The following PDE8B variants were observed in gnomAD, a reference collection of about 807,000 sequenced individuals.
PDE8B encodes the protein phosphodiesterase 8B, also known as high affinity cAMP-specific and IBMX-insensitive 3',5'-cyclic phosphodiesterase 8B.
Under a neutral mutation model 101.3 loss-of-function variants are expected in PDE8B, and 26 were observed. The ratio of observed to expected loss-of-function variants is 0.26; its 90% CI spans 0.19 to 0.36. The LOEUF (loss-of-function observed/expected upper bound fraction) is 0.36, where lower values mean the gene tolerates loss of function less well. Ranked by LOEUF, PDE8B falls within the 10% of genes least tolerant of loss-of-function variation. The probability of loss-of-function intolerance (pLI) is 1.00; values close to 1 mark genes in which losing one functional copy is unlikely to be tolerated. For synonymous variants in PDE8B, 424 were observed against 429.3 expected, an observed-to-expected ratio of 0.99 and a Z score of 0.15; for missense variants, 810 against 1,163.1, an observed-to-expected ratio of 0.70 and a Z score of 4.42.
At chr5:77,350,109 T>C (rs1429934901) in intron 8 of PDE8B, among the ~76,000 whole-genome samples, 1 of 152,204 alleles carries the variant, frequency 6.6e-6, no homozygotes, top group African/African-American at 2.4e-5. Flanking sequence ...TCTCCTCCTG[T>C]AGAGCACTGC....
At chr5:77,188,214 T>C in the PDE8B span, among the ~76,000 whole-genome samples, 1 of 152,184 alleles carries the variant, frequency 6.6e-6, no homozygotes, top group Non-Finnish European at 1.5e-5. Context: ...CTTTAGAAAG[T>C]TGAGGAGTTC....
At chr5:77,363,617 C>T (rs868413836) in intron 10 of PDE8B, among the ~76,000 whole-genome samples, 22 of 151,214 alleles carry the variant, frequency 1.5e-4, no homozygotes, top group Middle Eastern at 3.2e-3. Flanking sequence ...AAGGCTGAGG[C>T]AGGAGACTCA....
chr5:77,191,179 T>G, the PDE8B span, among the ~76,000 whole-genome samples: 1 of 152,310 alleles, frequency 6.6e-6, no homozygotes, highest in East Asian at 1.9e-4. Context: ...ACCTTTATCC[T>G]CATTTAACCT....
the PDE8B span, chr5:77,141,304 T>C: frequency 6.6e-6 from 1 of 152,236 alleles, no homozygotes; most frequent in East Asian, 1.9e-4. Flanking sequence ...AATACATATG[T>C]ATCAAACATA....
At chr5:77,325,771 A>G (rs775157132) in intron 3 of PDE8B, 42 bp downstream of exon 3, 28 of 1,285,616 alleles carry the variant, frequency 2.2e-5, no homozygotes, top group Admixed American at 8.4e-5. Flanking sequence ...TGTTCACTTT[A>G]CATCTTAAAA....
the PDE8B span, among the ~76,000 whole-genome samples, chr5:77,179,435 C>T: frequency 6.6e-6 from 1 of 152,136 alleles, no homozygotes; most frequent in African/African-American, 2.4e-5. Flanking sequence ...GTTCAAAATC[C>T]CTCCACCCCA....
chr5:77,133,422 G>A, the PDE8B span, among the ~76,000 whole-genome samples: 3 of 152,158 alleles, frequency 2.0e-5, no homozygotes, highest in African/African-American at 7.2e-5. Context: ...CTGAATTTTT[G>A]GATGTTTGTC....
At chr5:77,290,772 C>T in intron 1 of PDE8B, 1 of 1,482,190 alleles carries the variant, frequency 6.7e-7, no homozygotes. Context: ...ATTCAATTTC[C>T]CTGTGGCAGT....
the PDE8B span, among the ~76,000 whole-genome samples, chr5:77,168,262 G>A: frequency 6.6e-6 from 1 of 152,238 alleles, no homozygotes; most frequent in African/African-American, 2.4e-5. Context: ...GGCAGCCTGA[G>A]AAGTCAGAGC....
intron 1 of PDE8B, among the ~76,000 whole-genome samples, chr5:77,248,850 G>A (rs189266237): frequency 6.6e-6 from 1 of 152,220 alleles, no homozygotes; most frequent in East Asian, 1.9e-4. Context: ...GATCCAACAG[G>A]ATTAGTATCC....
At chr5:77,117,158 G>A in the PDE8B span, among the ~76,000 whole-genome samples, 2 of 152,320 alleles carry the variant, frequency 1.3e-5, no homozygotes, top group East Asian at 1.9e-4. Context: ...GCTAAGGGGC[G>A]GGTAGAGGTT....
rs562738060 is a variant in PDE8B, at chr5:77,427,297, C to G, written c.*743C>G. 3.9e-5 allele frequency: 6 copies of G among 152,326 alleles called. No individual in the cohort carries two copies. In the South Asian group the frequency reaches 1.2e-3, roughly 32 times the overall value. The allele number at this position is 152,326 out of a possible 1,614,324, so 9.4% of individuals were successfully genotyped here. A position where few individuals can be genotyped will look rare whatever the true frequency, so the allele number is the denominator to read the frequency against. On this transcript the variant is annotated 3_prime_UTR_variant, in exon 22 of 22. Transcript: ENST00000264917. Reference sequence around the variant, plus strand: ...AAGTGGCATTTCATTTTTGGGGAATCCATGAGCTTCCTTTATTTCTGGCTC... The same window carrying G: ...AAGTGGCATTTCATTTTTGGGGAATGCATGAGCTTCCTTTATTTCTGGCTC...
chr5:77,226,742 A>C (rs996945668), intron 1 of PDE8B, among the ~76,000 whole-genome samples: 3 of 152,256 alleles, frequency 2.0e-5, no homozygotes, highest in African/African-American at 7.2e-5. Flanking sequence ...GCTCAAGCTT[A>C]AGATCTCTAG....
At chr5:77,418,756 C>T (rs991399770) in intron 18 of PDE8B, among the ~76,000 whole-genome samples, 3 of 152,280 alleles carry the variant, frequency 2.0e-5, no homozygotes, top group Middle Eastern at 3.4e-3. Flanking sequence ...TTGTGTAACT[C>T]GAGGAAAATG....
At chr5:77,285,473 C>A (rs251413) in intron 1 of PDE8B, among the ~76,000 whole-genome samples, 3 of 152,056 alleles carry the variant, frequency 2.0e-5, no homozygotes, top group Non-Finnish European at 4.4e-5. Context: ...TGAAAATTTA[C>A]CAGTCATCTG....
chr5:77,342,160 GC>G (rs1345178595), intron 6 of PDE8B, among the ~76,000 whole-genome samples: 1 of 152,112 alleles, frequency 6.6e-6, no homozygotes, highest in Non-Finnish European at 1.5e-5. Context: ...TTTCACCAAA[GC>G]CTTTTGAAAG....
intron 10 of PDE8B, among the ~76,000 whole-genome samples, chr5:77,356,203 C>T (rs370327856): frequency 1.2e-4 from 19 of 152,294 alleles, no homozygotes; most frequent in African/African-American, 4.6e-4. Context: ...TCGTGCTAGC[C>T]TCTGCGTCCT....
chr5:77,168,395 G>A, the PDE8B span, among the ~76,000 whole-genome samples: 1 of 152,220 alleles, frequency 6.6e-6, no homozygotes, highest in Non-Finnish European at 1.5e-5. Flanking sequence ...CTCGGCTGCC[G>A]TCTGGGGATG....
chr5:77,336,394 C>T (rs1280600814), intron 5 of PDE8B, among the ~76,000 whole-genome samples: 1 of 152,214 alleles, frequency 6.6e-6, no homozygotes, highest in Non-Finnish European at 1.5e-5. Context: ...TAGTCCTCCT[C>T]CCCACAGCCC....
Sources: allele counts gnomAD v4.1 joint callset (sites outside exome capture counted in the v4.1 genomes callset), GRCh38; gene constraint gnomAD v4.1.1; transcripts MANE v1.5; gene names NCBI Gene and HGNC (gene_info 2026-07-23, HGNC 2026-07-21).